The following CDC20B variants were observed in gnomAD, a reference collection of about 807,000 sequenced individuals.
CDC20B encodes cell division cycle protein 20 homolog B.
Under a neutral mutation model 64.1 loss-of-function variants are expected in CDC20B, and 58 were observed. That is an observed-to-expected ratio of 0.90 (90% CI 0.73 to 1.13). The LOEUF (loss-of-function observed/expected upper bound fraction) is 1.13, where lower values mean the gene tolerates loss of function less well. Among genes scored for constraint, CDC20B ranks in the 50% most tolerant of loss-of-function variants. The probability of loss-of-function intolerance (pLI) is 0.00; values close to 1 mark genes in which losing one functional copy is unlikely to be tolerated. For synonymous variants in CDC20B, 243 were observed against 230.6 expected (o/e 1.05, Z -0.49); for missense variants, 597 against 633.0 (o/e 0.94, Z 0.61).
At chr5:55,171,889 G>A (rs550209816) in intron 2 of CDC20B, among the ~76,000 whole-genome samples, 1 of 152,316 alleles carries the variant, frequency 6.6e-6, no homozygotes, top group Admixed American at 6.5e-5. Context: ...ACAGGCATGA[G>A]CCACAGTGCC....
chr5:55,164,093 T>G lies in CDC20B; in HGVS notation c.126+8495A>C, dbSNP rs374165318. 321 of 1,599,830 alleles carry G rather than the reference T, an allele frequency of 2.0e-4. No individual in the cohort carries two copies. The highest frequency in any genetic ancestry group is 2.5e-4 in the Non-Finnish European group (298 of 1,171,154). ...GGAACCAAGGTGGAATTTTTGGAAGTATCTTGTCAACCCTGAGGGTCAAGT... is the reference window on the plus strand; with the variant it reads ...GGAACCAAGGTGGAATTTTTGGAAGGATCTTGTCAACCCTGAGGGTCAAGT... On this transcript the variant is annotated intron_variant, in intron 2 of 11. Transcript: ENST00000381375.
intron 2 of CDC20B, among the ~76,000 whole-genome samples, chr5:55,147,354 A>ATG (rs1743523473): frequency 1.4e-5 from 2 of 142,376 alleles, no homozygotes; most frequent in Admixed American, 7.2e-5. Context: ...ATATTTATAT[A>ATG]TTATATAAAC....
chr5:55,170,195 A>G (rs896708358), intron 2 of CDC20B, among the ~76,000 whole-genome samples: 1 of 152,236 alleles, frequency 6.6e-6, no homozygotes, highest in African/African-American at 2.4e-5. Flanking sequence ...TTGTAGGTCC[A>G]TTCCACATTG....
At chr5:55,140,001 T>C (rs868354297) in intron 5 of CDC20B, among the ~76,000 whole-genome samples, 5 of 152,140 alleles carry the variant, frequency 3.3e-5, no homozygotes, top group South Asian at 2.1e-4. Context: ...CACTCCAGCC[T>C]GAGCAACACC....
intron 11 of CDC20B, among the ~76,000 whole-genome samples, chr5:55,116,475 G>T (rs1229383928): frequency 6.6e-6 from 1 of 150,744 alleles, no homozygotes; most frequent in Non-Finnish European, 1.5e-5. Context: ...TTGAGACAGG[G>T]TCTCACTCTG....
intron 11 of CDC20B, among the ~76,000 whole-genome samples, chr5:55,117,394 C>G (rs1214783010): frequency 6.6e-6 from 1 of 152,200 alleles, no homozygotes; most frequent in Non-Finnish European, 1.5e-5. Context: ...ACCCCATACA[C>G]AGGCACATAC....
At position 55,124,884 on chromosome 5, in the gene CDC20B, C is replaced by T. The variant is rs1285962167; in HGVS notation, c.1134G>A (p.Leu378=). ...CTGGATCGTGGGGCCATATTGTCAG[C>T]AGTCCATCACTGCAGCCGCTGGAAA... is the stretch of plus-strand genomic sequence containing the variant. ...RLLSSGCSDG[L]LTIWPHDPGA... is the part of the protein sequence containing the mutation. Residue 378 remains leucine (L), a synonymous_variant, in exon 9 of 12, where the codon CTG becomes CTA. Transcript: ENST00000381375. 4 of 1,614,178 alleles carry T rather than the reference C, an allele frequency of 2.5e-6. No individual in the cohort carries two copies. The highest frequency in any genetic ancestry group is 3.4e-6 in the Non-Finnish European group (4 of 1,180,022).
At chr5:55,142,124 T>C (rs934549213) in intron 4 of CDC20B, among the ~76,000 whole-genome samples, 4 of 152,184 alleles carry the variant, frequency 2.6e-5, no homozygotes, top group African/African-American at 9.6e-5. Context: ...TGCTCTTTCC[T>C]AGATGAGATC....
chr5:55,161,419 T>C (rs1455912172), intron 2 of CDC20B, among the ~76,000 whole-genome samples: 2 of 152,262 alleles, frequency 1.3e-5, no homozygotes. Flanking sequence ...CTAGGAGTTA[T>C]GCTCCCCTGA....
intron 2 of CDC20B, 38 bp downstream of exon 2, chr5:55,172,550 G>A: frequency 6.7e-7 from 1 of 1,494,354 alleles, no homozygotes; most frequent in Admixed American, 1.7e-5. Flanking sequence ...TTCAAGATCA[G>A]AATTAAAACA....
chr5:55,146,574 A>C, intron 3 of CDC20B, 54 bp downstream of exon 3: 2 of 1,232,558 alleles, frequency 1.6e-6, no homozygotes, highest in Non-Finnish European at 2.4e-6. Context: ...TCTCTCAGGA[A>C]TATATCTTTT....
intron 10 of CDC20B, 36 bp downstream of exon 10, chr5:55,120,389 A>G (rs779478947): frequency 6.2e-7 from 1 of 1,611,926 alleles, no homozygotes; most frequent in Non-Finnish European, 8.5e-7. Flanking sequence ...ATTCCAGAAG[A>G]TCAAAATGAA....
chr5:55,164,165 G>A, intron 2 of CDC20B: 1 of 1,597,532 alleles, frequency 6.3e-7, no homozygotes. Context: ...CATCAGGCCT[G>A]ACATAGCAGC....
intron 2 of CDC20B, chr5:55,160,245 T>G: frequency 6.2e-7 from 1 of 1,614,074 alleles, no homozygotes; most frequent in African/African-American, 1.3e-5. Context: ...AGAGCAAAGG[T>G]ATTTGCAGTT....
At chr5:55,161,029 A>G (rs1561302839) in intron 2 of CDC20B, 1 of 1,613,974 alleles carries the variant, frequency 6.2e-7, no homozygotes, top group East Asian at 2.2e-5. Flanking sequence ...GTGACTGCCA[A>G]CTCACAGACA....
chr5:55,170,742 A>C, intron 2 of CDC20B: 2 of 522,868 alleles, frequency 3.8e-6, no homozygotes, highest in Non-Finnish European at 8.0e-6. Context: ...GATTCAGGTC[A>C]CTGCCGATTC....
chr5:55,161,733 C>T lies in CDC20B; in HGVS notation c.126+10855G>A, dbSNP rs377546107. On this transcript the variant is annotated intron_variant, in intron 2 of 11. Coordinates refer to ENST00000381375, the MANE Select transcript of CDC20B (RefSeq NM_001170402.1). ...AATATGTCAGCTTACCAGATTTTTG[C>T]TAAAATCCAAAAACATATAACTTGG... Among the ~76,000 whole-genome samples, 18 of 152,282 alleles carry T rather than the reference C, an allele frequency of 1.2e-4. No homozygotes were observed. In the East Asian group the frequency reaches 2.9e-3, roughly 24 times the overall value.
intron 11 of CDC20B, 74 bp downstream of exon 11, chr5:55,119,727 A>C (rs1433717770): frequency 1.5e-5 from 14 of 923,812 alleles, no homozygotes; most frequent in Non-Finnish European, 2.4e-5. Context: ...AAAATCTTTC[A>C]TTCAGGGCTT....
chr5:55,131,132 C>A (rs1730188212), intron 6 of CDC20B, among the ~76,000 whole-genome samples: 1 of 152,052 alleles, frequency 6.6e-6, no homozygotes, highest in Admixed American at 6.6e-5. Flanking sequence ...AAACCTCCCT[C>A]AAAACCTCCC....
Sources: gnomAD v4.1 joint callset for allele counts (sites outside exome capture counted in the v4.1 genomes callset) on GRCh38, gnomAD v4.1.1 for gene constraint, MANE v1.5 for transcripts, NCBI Gene and HGNC (gene_info 2026-07-23, HGNC 2026-07-21) for gene names.